REEP3: variants seen among roughly 807,000 people sequenced by gnomAD.
REEP3 encodes receptor accessory protein 3, also known as receptor expression-enhancing protein 3.
REEP3 carries 20 observed loss-of-function variants against 41.3 expected under a neutral mutation model. The ratio of observed to expected loss-of-function variants is 0.48; its 90% CI spans 0.34 to 0.70. The LOEUF (loss-of-function observed/expected upper bound fraction) is 0.70. REEP3 is among the 30% of genes least tolerant of loss of function. The pLI is 0.01. For missense variants in REEP3, 271 were observed against 308.8 expected, an observed-to-expected ratio of 0.88 and a Z score of 0.92; for synonymous variants, 104 against 101.8, an observed-to-expected ratio of 1.02 and a Z score of -0.13.
At chr10:63,562,287 T>C (rs913965398) in intron 1 of REEP3, among the ~76,000 whole-genome samples, 16 of 151,684 alleles carry the variant, frequency 1.1e-4, no homozygotes, top group African/African-American at 3.9e-4. Context: ...GACGGAGTCT[T>C]ACTCTGTCGC....
intron 1 of REEP3, among the ~76,000 whole-genome samples, chr10:63,551,010 T>C (rs1955624058): frequency 1.3e-5 from 2 of 152,014 alleles, no homozygotes; most frequent in African/African-American, 2.4e-5. Flanking sequence ...AATTAACATA[T>C]AAAACTAACA....
rs181374778 is a variant in REEP3, at chr10:63,600,538, A to T, written c.417+1255A>T. On this transcript the variant is annotated intron_variant, in intron 5 of 7. Transcript: ENST00000373758. ...AGCAAAGTTTTCAGCTTAAAGGACTATGTTTTATTTTAGAAGTTCATTTTG... is the reference window on the plus strand; with the variant it reads ...AGCAAAGTTTTCAGCTTAAAGGACTTTGTTTTATTTTAGAAGTTCATTTTG... Among the ~76,000 whole-genome samples, 7 of 152,272 alleles carry T rather than the reference A, an allele frequency of 4.6e-5. No homozygotes were observed. The East Asian group carries it at 1.3e-3, about 29-fold the overall frequency.
intron 1 of REEP3, among the ~76,000 whole-genome samples, chr10:63,535,132 C>T (rs996541505): frequency 4.0e-5 from 6 of 151,676 alleles, no homozygotes; most frequent in African/African-American, 1.5e-4. Context: ...TGTTTCAAAA[C>T]TAACAGAAGA....
chr10:63,540,095 C>A (rs1955515425), intron 1 of REEP3, among the ~76,000 whole-genome samples: 1 of 152,066 alleles, frequency 6.6e-6, no homozygotes, highest in Non-Finnish European at 1.5e-5. Context: ...TAACAGTAAG[C>A]AACATTAGTG....
At chr10:63,548,112 G>A (rs965039009) in intron 1 of REEP3, among the ~76,000 whole-genome samples, 4 of 152,124 alleles carry the variant, frequency 2.6e-5, no homozygotes, top group Non-Finnish European at 4.4e-5. Flanking sequence ...TGTGTTCAGC[G>A]GGGACTGGAA....
intron 6 of REEP3, among the ~76,000 whole-genome samples, chr10:63,615,704 C>G (rs1377328289): frequency 6.6e-6 from 1 of 152,022 alleles, no homozygotes; most frequent in African/African-American, 2.4e-5. Context: ...GCCACCACAC[C>G]CAGCTAAGTT....
At position 63,596,497 on chromosome 10, in the gene REEP3, A is replaced by G. The variant is rs557314976; in HGVS notation, c.183-1527A>G. 8.5e-5 allele frequency among the ~76,000 whole-genome samples: 13 copies of G among 152,298 alleles called. No individual in the cohort carries two copies. The South Asian group carries it at 1.9e-3, about 22-fold the overall frequency. On this transcript the variant is annotated intron_variant, in intron 3 of 7. Coordinates refer to ENST00000373758, the MANE Select transcript of REEP3 (RefSeq NM_001001330.3). ...GCAGAGACCTCTTTGTTGACTACATAGTAAGTCATCCTCACTGCTCTCTAC... is the reference window on the plus strand; with the variant it reads ...GCAGAGACCTCTTTGTTGACTACATGGTAAGTCATCCTCACTGCTCTCTAC...
chr10:63,608,437 A>T (rs2133426610), intron 5 of REEP3, among the ~76,000 whole-genome samples: 1 of 152,292 alleles, frequency 6.6e-6, no homozygotes, highest in South Asian at 2.1e-4. Context: ...ATAAATTAAG[A>T]CCTTTCTCTT....
chr10:63,562,221 C>T (rs1056159760), intron 1 of REEP3, among the ~76,000 whole-genome samples: 3 of 150,232 alleles, frequency 2.0e-5, no homozygotes, highest in Non-Finnish European at 2.9e-5. Flanking sequence ...TCAGTGAAGT[C>T]GCTTTCACAG....
At chr10:63,548,539 G>T (rs1030631360) in intron 1 of REEP3, among the ~76,000 whole-genome samples, 1 of 152,114 alleles carries the variant, frequency 6.6e-6, no homozygotes, top group Non-Finnish European at 1.5e-5. Context: ...ATCAAGTATA[G>T]GGAACTCCTA....
chr10:63,595,603 G>A (rs1333584510), intron 3 of REEP3, among the ~76,000 whole-genome samples: 1 of 150,610 alleles, frequency 6.6e-6, no homozygotes, highest in Non-Finnish European at 1.5e-5. Context: ...TTTATACAAG[G>A]TCTTGCTCTG....
intron 1 of REEP3, among the ~76,000 whole-genome samples, chr10:63,532,847 G>A (rs1955436570): frequency 6.6e-6 from 1 of 152,122 alleles, no homozygotes. Flanking sequence ...AAAGGCTGCA[G>A]TGAGCTAGGA....
chr10:63,601,391 T>C (rs1956170605), intron 5 of REEP3, among the ~76,000 whole-genome samples: 2 of 152,170 alleles, frequency 1.3e-5, no homozygotes, highest in South Asian at 4.1e-4. Flanking sequence ...TCCAGGCAGA[T>C]ATGCTCCCCA....
Position 63,598,078 on chromosome 10 carries a change from C to G in REEP3, c.237C>G (p.Pro79=). 6.2e-7 allele frequency: 1 copy of G among 1,604,072 alleles called. No homozygotes were observed. The highest frequency in any genetic ancestry group is 1.1e-5 in the South Asian group (1 of 90,870). ...CTTTTGTCATATGGCTGCTTTCTCC[C>G]TATACCAAAGGAGCAAGTTTAATAT... ...KIAFVIWLLS[P]YTKGASLIYR... The change falls in exon 4 of 8, where the codon CCC becomes CCG. Residue 79 remains proline, a synonymous_variant. Coordinates refer to ENST00000373758, the MANE Select transcript of REEP3 (RefSeq NM_001001330.3).
At chr10:63,539,784 A>G (rs905588108) in intron 1 of REEP3, among the ~76,000 whole-genome samples, 3 of 152,188 alleles carry the variant, frequency 2.0e-5, no homozygotes, top group Admixed American at 2.0e-4. Context: ...CTCAGACTTC[A>G]TTGCCAAAGA....
chr10:63,558,396 C>G (rs1955710020), intron 1 of REEP3, among the ~76,000 whole-genome samples: 1 of 152,206 alleles, frequency 6.6e-6, no homozygotes, highest in African/African-American at 2.4e-5. Flanking sequence ...ACCTCTGCAT[C>G]TTTGCCATCC....
intron 2 of REEP3, among the ~76,000 whole-genome samples, chr10:63,581,608 T>G (rs1955954634): frequency 6.6e-6 from 1 of 151,990 alleles, no homozygotes; most frequent in Non-Finnish European, 1.5e-5. Context: ...CTGGGCGTGG[T>G]GGCATGTGCC....
chr10:63,606,155 A>T (rs1346937688), intron 5 of REEP3: 1 of 904,630 alleles, frequency 1.1e-6, no homozygotes, highest in Non-Finnish European at 1.3e-6. Context: ...AGAGAATAGG[A>T]TCTAAAGTGC....
Position 63,610,209 on chromosome 10 carries a change from G to A in REEP3, c.440G>A (p.Arg147His), listed in dbSNP as rs908483458. The change falls in exon 6 of 8, where the codon CGT becomes CAT. Residue 147 changes from arginine to histidine, a missense_variant. Arg to His is a conservative substitution (Grantham distance 29). Transcript: ENST00000373758. The stretch of plus-strand genomic sequence containing the variant: ...TAGAGCCAAGGAGCAATAACTGAAC[G>A]TTTAAGAAGCTTCAGTATGCATGAT... ...AVKSQGAITE[R>H]LRSFSMHDLT... is the part of the protein sequence containing the mutation. The A allele has an allele frequency of 7.5e-6, 12 of 1,609,806 alleles. No homozygotes were observed. The highest frequency in any genetic ancestry group is 4.5e-5 in the East Asian group (2 of 44,882).
Sources: allele counts gnomAD v4.1 joint callset (sites outside exome capture counted in the v4.1 genomes callset), GRCh38; gene constraint gnomAD v4.1.1; transcripts MANE v1.5; gene names NCBI Gene and HGNC (gene_info 2026-07-23, HGNC 2026-07-21).